TAFA2: variants seen among roughly 807,000 people sequenced by gnomAD.
The protein encoded by TAFA2 is TAFA chemokine like family member 2.
A neutral mutation model predicts 18.8 loss-of-function variants in TAFA2; 7 were observed. That is an observed-to-expected ratio of 0.37 (90% confidence interval 0.21 to 0.70). The LOEUF is 0.70. Among genes scored for constraint, TAFA2 ranks in the 30% least tolerant of loss-of-function variants. The pLI, the probability that TAFA2 is intolerant of heterozygous loss-of-function variation, is 0.53. For synonymous variants in TAFA2, 60 were observed against 54.2 expected (o/e 1.11, Z -0.47); for missense variants, 122 against 158.1 (o/e 0.77, Z 1.23).
At chr12:61,939,340 T>C (rs950832421) in intron 1 of TAFA2, among the ~76,000 whole-genome samples, 1 of 152,182 alleles carries the variant, frequency 6.6e-6, no homozygotes, top group African/African-American at 2.4e-5. Context: ...TTCTACTCTT[T>C]TGAAATTAAT....
At chr12:62,149,544 C>T (rs978334572) in intron 1 of TAFA2, among the ~76,000 whole-genome samples, 6 of 144,728 alleles carry the variant, frequency 4.1e-5, no homozygotes, top group African/African-American at 1.5e-4. Context: ...ATATGAATTT[C>T]CTTAAATAGA....
At chr12:61,721,125 T>C (rs796467165) in intron 4 of TAFA2, among the ~76,000 whole-genome samples, 4 of 152,222 alleles carry the variant, frequency 2.6e-5, no homozygotes, top group African/African-American at 9.6e-5. Flanking sequence ...TTTTTTAATT[T>C]CAAAGAGACA....
intron 2 of TAFA2, among the ~76,000 whole-genome samples, chr12:61,795,465 C>T (rs1209745201): frequency 2.6e-5 from 4 of 151,944 alleles, no homozygotes; most frequent in African/African-American, 9.7e-5. Context: ...TCATTCTCAG[C>T]AAACTATCGC....
chr12:62,159,168 C>G (rs1048367726), intron 1 of TAFA2, among the ~76,000 whole-genome samples: 1 of 152,138 alleles, frequency 6.6e-6, no homozygotes, highest in Non-Finnish European at 1.5e-5. Flanking sequence ...CTAAAAGACA[C>G]GTTTTTAAGG....
intron 1 of TAFA2, among the ~76,000 whole-genome samples, chr12:61,913,056 T>C (rs926161066): frequency 1.3e-5 from 2 of 152,180 alleles, no homozygotes; most frequent in Non-Finnish European, 2.9e-5. Flanking sequence ...TCTAAAGACA[T>C]CACACTTGAA....
intron 1 of TAFA2, among the ~76,000 whole-genome samples, chr12:61,960,593 T>G (rs1017454639): frequency 5.9e-5 from 9 of 151,986 alleles, no homozygotes; most frequent in Non-Finnish European, 1.3e-4. Context: ...AACTACAATT[T>G]AGTCCTTCGG....
chr12:61,718,061 C>T (rs891855360), intron 4 of TAFA2, among the ~76,000 whole-genome samples: 3 of 152,080 alleles, frequency 2.0e-5, no homozygotes, highest in East Asian at 3.8e-4. Flanking sequence ...TTCTAAAAGG[C>T]CTAATCATTA....
intron 1 of TAFA2, among the ~76,000 whole-genome samples, chr12:61,953,514 C>G (rs950927619): frequency 6.6e-6 from 1 of 152,130 alleles, no homozygotes; most frequent in Non-Finnish European, 1.5e-5. Flanking sequence ...GTCAATCACT[C>G]ACTGGGAAGT....
intron 1 of TAFA2, among the ~76,000 whole-genome samples, chr12:61,991,926 C>T (rs1220623661): frequency 6.6e-6 from 1 of 152,186 alleles, no homozygotes; most frequent in East Asian, 1.9e-4. Context: ...ACAGTTCCTT[C>T]ATGTTGGCCT....
intron 1 of TAFA2, among the ~76,000 whole-genome samples, chr12:61,938,629 C>CA (rs1181533999): frequency 6.6e-6 from 1 of 152,086 alleles, no homozygotes; most frequent in East Asian, 1.9e-4. Flanking sequence ...TCAAAATTCA[C>CA]AATTGCAAAG....
intron 1 of TAFA2, among the ~76,000 whole-genome samples, chr12:62,118,306 G>A (rs1870047180): frequency 6.6e-6 from 1 of 151,990 alleles, no homozygotes; most frequent in Non-Finnish European, 1.5e-5. Flanking sequence ...TGTAAATGCT[G>A]TACTTCATTC....
intron 1 of TAFA2, among the ~76,000 whole-genome samples, chr12:61,976,417 A>G (rs546453322): frequency 3.5e-4 from 53 of 152,098 alleles, no homozygotes; most frequent in African/African-American, 1.3e-3. Flanking sequence ...GGAAAAATAA[A>G]AATCATAAAA....
chr12:62,124,151 C>G (rs1870347874), intron 1 of TAFA2, among the ~76,000 whole-genome samples: 1 of 151,590 alleles, frequency 6.6e-6, no homozygotes, highest in Admixed American at 6.6e-5. Context: ...CAGAGAATCG[C>G]AAAGATTGCA....
At chr12:61,783,980 A>G (rs1870617116) in intron 2 of TAFA2, among the ~76,000 whole-genome samples, 1 of 151,572 alleles carries the variant, frequency 6.6e-6, no homozygotes. Flanking sequence ...ATGATGTATA[A>G]GTGGAAGATT....
intron 1 of TAFA2, chr12:62,255,417 AAC>A (rs1479054663): frequency 6.6e-6 from 1 of 152,246 alleles, no homozygotes; most frequent in African/African-American, 2.4e-5. Flanking sequence ...GGGATAAATT[AAC>A]ACTTTCTTGA....
intron 1 of TAFA2, among the ~76,000 whole-genome samples, chr12:62,171,563 G>C (rs1023507018): frequency 6.6e-6 from 1 of 152,166 alleles, no homozygotes; most frequent in Non-Finnish European, 1.5e-5. Flanking sequence ...CATGGGATTA[G>C]TGTCCTTATA....
At chr12:62,136,983 T>C (rs1174915198) in intron 1 of TAFA2, among the ~76,000 whole-genome samples, 2 of 152,096 alleles carry the variant, frequency 1.3e-5, no homozygotes, top group Non-Finnish European at 2.9e-5. Context: ...CTTTCCTCCA[T>C]CCTCCACCCC....
At chr12:61,734,749 CTTTT>C (rs1179591861) in intron 4 of TAFA2, among the ~76,000 whole-genome samples, 2 of 151,830 alleles carry the variant, frequency 1.3e-5, no homozygotes, top group Admixed American at 1.3e-4. Context: ...TGGGCAACCT[CTTTT>C]TATTTTTTTT....
At chr12:61,877,429 T>C (rs1874901214) in intron 1 of TAFA2, among the ~76,000 whole-genome samples, 2 of 152,256 alleles carry the variant, frequency 1.3e-5, no homozygotes, top group South Asian at 2.1e-4. Context: ...TGGTTAAATG[T>C]GCAATCGTGA....
Sources: allele counts gnomAD v4.1 joint callset (sites outside exome capture counted in the v4.1 genomes callset), GRCh38; gene constraint gnomAD v4.1.1; transcripts MANE v1.5; gene names NCBI Gene and HGNC (gene_info 2026-07-23, HGNC 2026-07-21).